Variants in ZNF557 observed in about 807,000 individuals in gnomAD.
The protein encoded by ZNF557 is CTB-25J19.9.
A neutral mutation model predicts 21.2 loss-of-function variants in ZNF557; 19 were observed. The observed-to-expected ratio is 0.90, with a 90% CI of 0.63 to 1.32. The LOEUF (loss-of-function observed/expected upper bound fraction) is 1.32, where lower values mean the gene tolerates loss of function less well. Ranked by LOEUF, ZNF557 falls within the 40% of genes most tolerant of loss-of-function variation. The pLI is 0.00. For synonymous variants in ZNF557, 207 were observed against 194.8 expected (o/e 1.06, Z -0.52); for missense variants, 487 against 519.8 (o/e 0.94, Z 0.61).
rs1232563821 is a variant in ZNF557 at position 7,083,009 on chromosome 19, G to A, written c.558G>A (p.Gly186=). 2.5e-6 allele frequency: 4 copies of A among 1,614,150 alleles called. No individual in the cohort carries two copies. The highest frequency in any genetic ancestry group is 2.2e-5 in the East Asian group (1 of 44,884). ...GACCCTATGGCTGCAGTGAATGTGG[G>A]AAATCCTACAGCAGTAGATCTTACC... ...GERPYGCSEC[G]KSYSSRSYLA... The change falls in exon 8 of 8, where the codon GGG becomes GGA. Residue 186 remains glycine, a synonymous_variant. Coordinates refer to ENST00000252840, the MANE Select transcript of ZNF557 (RefSeq NM_024341.3).
At position 7,083,219 on chromosome 19, in the gene ZNF557, A is replaced by C; in HGVS notation, c.768A>C (p.Arg256Ser). 1 of 1,614,242 alleles carries C rather than the reference A, an allele frequency of 6.2e-7. No homozygotes were observed. Among genetic ancestry groups the C allele is most frequent in the Non-Finnish European group, 8.5e-7 (1 of 1,180,044 alleles). ...SNSSYLRPHL[R>S]IHTGEKPYKC... Reference sequence around the variant, plus strand: ...CCTCATACCTCAGACCGCACTTGAGAATTCACACTGGAGAAAAACCGTACA... The same window carrying C: ...CCTCATACCTCAGACCGCACTTGAGCATTCACACTGGAGAAAAACCGTACA... The change falls in exon 8 of 8, where the codon AGA becomes AGC. Residue 256 changes from arginine (R) to serine (S), a missense_variant. Arg to Ser is a moderately radical substitution (Grantham distance 110). Coordinates refer to ENST00000252840, the MANE Select transcript of ZNF557 (RefSeq NM_024341.3).
chr19:7,074,090 T>C (rs1373194207), intron 2 of ZNF557, among the ~76,000 whole-genome samples: 1 of 150,278 alleles, frequency 6.7e-6, no homozygotes, highest in Non-Finnish European at 1.5e-5. Context: ...AAGCTCTGCC[T>C]CCCAGGTTCA....
At chr19:7,079,510 G>A (rs967588462) in intron 5 of ZNF557, among the ~76,000 whole-genome samples, 6 of 151,988 alleles carry the variant, frequency 3.9e-5, no homozygotes, top group South Asian at 2.1e-4. Flanking sequence ...AAAGTGCTGG[G>A]ATTACAGCCA....
At position 7,087,631 on chromosome 19, in the gene ZNF557, A is replaced by G. The variant is rs1223742273; in HGVS notation, c.*3887A>G. The G allele has an allele frequency of 1.3e-5, 2 of 152,056 alleles. No individual in the cohort carries two copies. Among genetic ancestry groups the G allele is most frequent in the African/African-American group, 2.4e-5 (1 of 41,400 alleles). 9.4% of individuals were successfully genotyped at this position (152,056 alleles called of 1,614,324 possible). On this transcript the variant is annotated 3_prime_UTR_variant, in exon 8 of 8. Transcript: ENST00000252840. The stretch of plus-strand genomic sequence containing the variant: ...ATTGGCTGCATTGGCTCTGTTCTGC[A>G]TATTACTAGACTTCTTACATGATCA...
chr19:7,077,697 T>C (rs1977615804), intron 5 of ZNF557, among the ~76,000 whole-genome samples: 1 of 152,212 alleles, frequency 6.6e-6, no homozygotes, highest in Non-Finnish European at 1.5e-5. Context: ...ATTCTGTGTT[T>C]AATGTGTTGA....
In ZNF557 at chr19:7,085,011, T is replaced by C. The variant is rs899399069; in HGVS notation, c.*1267T>C. 2.0e-5 allele frequency: 3 copies of C among 152,180 alleles called. No individual in the cohort carries two copies. Among genetic ancestry groups the C allele is most frequent in the Non-Finnish European group, 4.4e-5 (3 of 68,038 alleles). The allele number at this position is 152,180 out of a possible 1,614,324, so 9.4% of individuals were successfully genotyped here. A position where few individuals can be genotyped will look rare whatever the true frequency, so the allele number is the denominator to read the frequency against. On this transcript the variant is annotated 3_prime_UTR_variant, in exon 8 of 8. Transcript: ENST00000252840. ...AAAGCCTGTGACACAAACAGTCATA[T>C]TACCAAGCACAAGACAGTATAGTTT...
At chr19:7,076,601 T>A in intron 5 of ZNF557, 94 bp downstream of exon 5, 1 of 1,519,652 alleles carries the variant, frequency 6.6e-7, no homozygotes, top group Non-Finnish European at 8.8e-7. Context: ...GACACAAAAG[T>A]CACCATTTAA....
At position 7,087,226 on chromosome 19, in the gene ZNF557, T is replaced by TCCC. The variant is rs1555730814; in HGVS notation, c.*3483_*3484insCCC. 1.1e-5 allele frequency: 1 copy of TCCC among 87,604 alleles called. No individual in the cohort carries two copies. The highest frequency in any genetic ancestry group is 5.1e-5 in the African/African-American group (1 of 19,682). 5.4% of individuals were successfully genotyped at this position (87,604 alleles called of 1,614,324 possible). ...GCTTTTTTTTTTTTTTTTTTTTTTT[T>TCCC]CTTCACTGTGGTGATAAAAACCACA... On this transcript the variant is annotated 3_prime_UTR_variant, in exon 8 of 8. Transcript: ENST00000252840.
chr19:7,071,598 C>T (rs1977458889), intron 2 of ZNF557, among the ~76,000 whole-genome samples: 1 of 152,122 alleles, frequency 6.6e-6, no homozygotes, highest in Admixed American at 6.5e-5. Context: ...AATCCCAGAA[C>T]TTTGGGAGGC....
chr19:7,083,983 C>T lies in ZNF557; in HGVS notation c.*239C>T. On this transcript the variant is annotated 3_prime_UTR_variant, in exon 8 of 8. Transcript: ENST00000252840. ...GGTTACAGTCCAGATGTCAGCAGAACTGTAATCATCCAGAATTGTTACTGG... is the reference window on the plus strand; with the variant it reads ...GGTTACAGTCCAGATGTCAGCAGAATTGTAATCATCCAGAATTGTTACTGG... 1 of 461,840 alleles carries T rather than the reference C, an allele frequency of 2.2e-6. No individual in the cohort carries two copies. The highest frequency in any genetic ancestry group is 2.5e-5 in the South Asian group (1 of 39,396). The allele number at this position is 461,840 out of a possible 1,614,324, so 28.6% of individuals were successfully genotyped here. A position where few individuals can be genotyped will look rare whatever the true frequency, so the allele number is the denominator to read the frequency against.
chr19:7,077,160 G>A (rs1977602762), intron 5 of ZNF557, among the ~76,000 whole-genome samples: 1 of 88,936 alleles, frequency 1.1e-5, no homozygotes. Context: ...TTTTGAGATG[G>A]AGTTTCACTC....
Position 7,082,891 on chromosome 19 carries a change from T to C in ZNF557, c.440T>C (p.Leu147Pro), listed in dbSNP as rs755963609. 6.3e-7 allele frequency: 1 copy of C among 1,579,950 alleles called. No homozygotes were observed. The highest frequency in any genetic ancestry group is 1.2e-5 in the South Asian group (1 of 86,156). ...SRNMKMERNH[L>P]GATLNECNQC... Reference sequence around the variant, plus strand: ...CTTAATCAATAGGAGAGGAATCATCTTGGAGCAACACTCAACGAATGTAAT... The same window carrying C: ...CTTAATCAATAGGAGAGGAATCATCCTGGAGCAACACTCAACGAATGTAAT... The change falls in exon 8 of 8, where the codon CTT (leucine) becomes CCT (proline). Residue 147 changes from leucine to proline, a missense_variant. By Grantham distance (98) the Leu-to-Pro change is moderately conservative (BLOSUM62 -3). Coordinates refer to ENST00000252840, the MANE Select transcript of ZNF557 (RefSeq NM_024341.3).
In ZNF557 at chr19:7,086,621, A is replaced by ATTTG. The variant is rs1437480290; in HGVS notation, c.*2877_*2878insTTTG. The ATTTG allele has an allele frequency of 7.0e-6, 1 of 141,928 alleles. No homozygotes were observed. The highest frequency in any genetic ancestry group is 2.6e-5 in the African/African-American group (1 of 38,764). The allele number at this position is 141,928 out of a possible 1,614,324, so 8.8% of individuals were successfully genotyped here. On this transcript the variant is annotated 3_prime_UTR_variant, in exon 8 of 8. Transcript: ENST00000252840. ...CGTGATCCACCTGCCTCGGCCTCCC[A>ATTTG]AAGCACTGGGATTACAGGCGTGAGC...
At chr19:7,071,882 G>T (rs1977468083) in intron 2 of ZNF557, among the ~76,000 whole-genome samples, 1 of 147,696 alleles carries the variant, frequency 6.8e-6, no homozygotes. Context: ...AAGGCAGGCA[G>T]ATCACGAGGT....
chr19:7,074,234 C>T (rs1403021276), intron 2 of ZNF557, among the ~76,000 whole-genome samples: 1 of 151,616 alleles, frequency 6.6e-6, no homozygotes, highest in African/African-American at 2.4e-5. Flanking sequence ...TCTCGATCTC[C>T]TGACCTCGTG....
chr19:7,087,267 G>A lies in ZNF557; in HGVS notation c.*3523G>A, dbSNP rs1210383328. ...AAAAACCACAGTGCAGGGGCTGGGC[G>A]TGGTGGCTCACGCCTGTAATCCCAC... On this transcript the variant is annotated 3_prime_UTR_variant, in exon 8 of 8. Transcript: ENST00000252840. 6 of 133,556 alleles carry A rather than the reference G, an allele frequency of 4.5e-5. No individual in the cohort carries two copies. Among genetic ancestry groups the A allele is most frequent in the African/African-American group, 1.4e-4 (5 of 36,068 alleles). The allele number at this position is 133,556 out of a possible 1,614,324, so 8.3% of individuals were successfully genotyped here.
chr19:7,083,793 A>G lies in ZNF557; in HGVS notation c.*49A>G. ...TTCATTGATCTTTCATGCCTCAGAT[A>G]ACATGAGCAAACTCTAACAAGATGT... On this transcript the variant is annotated 3_prime_UTR_variant, in exon 8 of 8. Transcript: ENST00000252840. 1 of 1,541,250 alleles carries G rather than the reference A, an allele frequency of 6.5e-7. No homozygotes were observed. Among genetic ancestry groups the G allele is most frequent in the Non-Finnish European group, 8.7e-7 (1 of 1,143,956 alleles).
At chr19:7,076,245 C>T in intron 4 of ZNF557, 136 bp from the exon 5 acceptor site, 1 of 1,573,654 alleles carries the variant, frequency 6.4e-7, no homozygotes, top group Non-Finnish European at 8.6e-7. Context: ...CTCAGAACCT[C>T]AGGAGAGGAG....
chr19:7,071,949 CAA>C (rs34333608), intron 2 of ZNF557, among the ~76,000 whole-genome samples: 100,059 of 141,732 alleles, frequency 0.71, 35,101 homozygotes, highest in Middle Eastern at 0.75. Context: ...ACTAAAAATA[CAA>C]AAAAAAAAAA....
Sources: gnomAD v4.1 joint callset for allele counts (sites outside exome capture counted in the v4.1 genomes callset) on GRCh38, gnomAD v4.1.1 for gene constraint, MANE v1.5 for transcripts, NCBI Gene and HGNC (gene_info 2026-07-23, HGNC 2026-07-21) for gene names.